Variants in TMEM74 observed in about 807,000 individuals in gnomAD.
TMEM74 encodes the protein transmembrane protein 74.
TMEM74 carries 13 observed loss-of-function variants against 18.1 expected under a neutral mutation model. The observed-to-expected ratio is 0.72, with a 90% CI of 0.47 to 1.14. The LOEUF is 1.14. TMEM74 is among the 50% of genes most tolerant of loss of function. TMEM74 has a pLI of 0.00. For missense variants in TMEM74, 372 were observed against 375.9 expected (o/e 0.99, Z 0.09); for synonymous variants, 159 against 146.6 (o/e 1.08, Z -0.61).
chr8:108,631,677 C>T (rs917453266), intron 2 of TMEM74, among the ~76,000 whole-genome samples: 2 of 152,012 alleles, frequency 1.3e-5, no homozygotes, highest in African/African-American at 4.8e-5. Context: ...TGTCTGTTTA[C>T]TCTGTGAATA....
intron 1 of TMEM74, among the ~76,000 whole-genome samples, chr8:108,695,944 C>T (rs1563528462): frequency 6.6e-6 from 1 of 152,174 alleles, no homozygotes; most frequent in African/African-American, 2.4e-5. Flanking sequence ...TGCCTGTGCT[C>T]TGCCCTCTGC....
At chr8:108,644,470 G>A (rs571373137) in intron 2 of TMEM74, among the ~76,000 whole-genome samples, 1 of 152,054 alleles carries the variant, frequency 6.6e-6, no homozygotes, top group Non-Finnish European at 1.5e-5. Context: ...GACCTCAAAA[G>A]CAATTGCACC....
intron 1 of TMEM74, among the ~76,000 whole-genome samples, chr8:108,750,667 T>C (rs1263401558): frequency 1.3e-5 from 2 of 152,050 alleles, no homozygotes; most frequent in Non-Finnish European, 2.9e-5. Context: ...AATATGATGT[T>C]CTGGGGTGTT....
chr8:108,729,040 A>T (rs2130637356), intron 1 of TMEM74, among the ~76,000 whole-genome samples: 1 of 152,326 alleles, frequency 6.6e-6, no homozygotes, highest in South Asian at 2.1e-4. Flanking sequence ...AGCAACTGCA[A>T]ATGAGACTTC....
chr8:108,699,557 C>T (rs1004947005), intron 1 of TMEM74, among the ~76,000 whole-genome samples: 1 of 152,002 alleles, frequency 6.6e-6, no homozygotes, highest in Non-Finnish European at 1.5e-5. Flanking sequence ...ATTTGGGGAA[C>T]AATTATATTG....
At chr8:108,672,155 T>C (rs1019233489) in intron 1 of TMEM74, among the ~76,000 whole-genome samples, 4 of 152,166 alleles carry the variant, frequency 2.6e-5, no homozygotes, top group African/African-American at 7.2e-5. Context: ...GTGGTTAGTT[T>C]GTGTAACTGA....
At position 108,787,549 on chromosome 8, in the gene TMEM74, A is replaced by G. The variant is rs897042554; in HGVS notation, c.-113T>C. 6.6e-6 allele frequency: 1 copy of G among 152,124 alleles called. No individual in the cohort carries two copies. The highest frequency in any genetic ancestry group is 2.4e-5 in the African/African-American group (1 of 41,408). 9.4% of individuals were successfully genotyped at this position (152,124 alleles called of 1,614,324 possible). A position where few individuals can be genotyped will look rare whatever the true frequency, so the allele number is the denominator to read the frequency against. On this transcript the variant is annotated 5_prime_UTR_variant, in exon 1 of 2. Transcript: ENST00000297459. The stretch of plus-strand genomic sequence containing the variant: ...GCACGGTTCCCGGAGAAAGTCCCCC[A>G]ATCACCAGCTACGGCACTTGTAGCC...
rs1013450157 is a variant in TMEM74, at chr8:108,779,630, T to C, written c.*4551A>G. ...AGGCTGATTCCAAATTCTTCATTCA[T>C]GACTTGTGAAAGACTTCTCTTCTTC... On this transcript the variant is annotated 3_prime_UTR_variant, in exon 2 of 2. Transcript: ENST00000297459. Among the ~76,000 whole-genome samples, 2 of 152,214 alleles carry C rather than the reference T, an allele frequency of 1.3e-5. No homozygotes were observed. The highest frequency in any genetic ancestry group is 2.9e-5 in the Non-Finnish European group (2 of 68,024).
At chr8:108,621,788 C>T (rs1237484514) in intron 2 of TMEM74, among the ~76,000 whole-genome samples, 2 of 151,986 alleles carry the variant, frequency 1.3e-5, no homozygotes, top group Non-Finnish European at 2.9e-5. Context: ...TGCTTGTCAC[C>T]CCATCTGTGT....
intron 1 of TMEM74, among the ~76,000 whole-genome samples, chr8:108,657,867 T>A (rs1363502355): frequency 0.04 from 1,772 of 44,624 alleles, 291 homozygotes; most frequent in African/African-American, 0.048. Flanking sequence ...AAAATATATA[T>A]ATATATATAT....
intron 1 of TMEM74, among the ~76,000 whole-genome samples, chr8:108,731,374 A>G (rs1267689808): frequency 6.6e-6 from 1 of 152,224 alleles, no homozygotes; most frequent in African/African-American, 2.4e-5. Flanking sequence ...GAAACTCAGC[A>G]TATCAATTTA....
intron 2 of TMEM74, among the ~76,000 whole-genome samples, chr8:108,634,929 C>T (rs758165994): frequency 7.2e-5 from 11 of 151,956 alleles, no homozygotes; most frequent in South Asian, 2.1e-4. Flanking sequence ...GAGTCTTACA[C>T]GCTGGCATGG....
chr8:108,631,642 A>C (rs1812553504), intron 2 of TMEM74, among the ~76,000 whole-genome samples: 1 of 152,026 alleles, frequency 6.6e-6, no homozygotes, highest in Admixed American at 6.6e-5. Context: ...CATAGTTTGC[A>C]AACACTTCTG....
chr8:108,638,255 G>A (rs1016535493), intron 2 of TMEM74, among the ~76,000 whole-genome samples: 1 of 152,054 alleles, frequency 6.6e-6, no homozygotes, highest in African/African-American at 2.4e-5. Context: ...GTAACCCTGC[G>A]AAGAACTCTG....
intron 1 of TMEM74, among the ~76,000 whole-genome samples, chr8:108,691,825 T>A (rs1216546735): frequency 6.6e-6 from 1 of 152,198 alleles, no homozygotes; most frequent in Non-Finnish European, 1.5e-5. Context: ...AATATATATA[T>A]GGAAATTGCT....
intron 1 of TMEM74, among the ~76,000 whole-genome samples, chr8:108,693,395 C>T (rs1364473182): frequency 3.9e-5 from 6 of 152,290 alleles, no homozygotes; most frequent in East Asian, 3.9e-4. Flanking sequence ...ACTCAATCTC[C>T]GTATCTACTT....
downstream of TMEM74, among the ~76,000 whole-genome samples, chr8:108,778,367 G>A (rs1408984749): frequency 6.6e-6 from 1 of 152,128 alleles, no homozygotes; most frequent in Non-Finnish European, 1.5e-5. Flanking sequence ...TAAAAAGGTG[G>A]CTGCATCAGA....
chr8:108,610,809 A>G (rs1179624965), intron 2 of TMEM74, among the ~76,000 whole-genome samples: 1 of 152,228 alleles, frequency 6.6e-6, no homozygotes, highest in Non-Finnish European at 1.5e-5. Context: ...TCTCCTCTGA[A>G]TAAGTTGTAT....
In TMEM74 at chr8:108,639,865, T is replaced by C. The variant is rs148414865; in HGVS notation, n.264+15428A>G. Reference sequence around the variant, plus strand: ...AGAACCACTCTTAGAATTTTTAATGTATTGGATTTAATACCAAATGCATGT... The same window carrying C: ...AGAACCACTCTTAGAATTTTTAATGCATTGGATTTAATACCAAATGCATGT... On this transcript the variant is annotated intron_variant and non_coding_transcript_variant, in intron 2 of 3. Coordinates refer to the TMEM74 transcript ENST00000518838. Among the ~76,000 whole-genome samples, 852 of 152,260 alleles carry C rather than the reference T, an allele frequency of 5.6e-3. 6 individuals are homozygous for C. The highest frequency in any genetic ancestry group is 0.019 in the African/African-American group (793 of 41,570).
Sources: gnomAD v4.1 joint callset for allele counts (sites outside exome capture counted in the v4.1 genomes callset) on GRCh38, gnomAD v4.1.1 for gene constraint, MANE v1.5 for transcripts, NCBI Gene and HGNC (gene_info 2026-07-23, HGNC 2026-07-21) for gene names.